The following PLEKHG1 variants were observed in gnomAD, a reference collection of about 807,000 sequenced individuals.
PLEKHG1 encodes pleckstrin homology and RhoGEF domain containing G1, also known as pleckstrin homology domain-containing family G member 1.
In PLEKHG1, 44 loss-of-function variants were observed where a neutral mutation model predicts 100.8. The observed-to-expected ratio is 0.44, with a 90% CI of 0.34 to 0.56. The LOEUF (loss-of-function observed/expected upper bound fraction) is 0.56, where lower values mean the gene tolerates loss of function less well. Ranked by LOEUF, PLEKHG1 falls within the 20% of genes least tolerant of loss-of-function variation. PLEKHG1 has a pLI of 0.01. For missense variants in PLEKHG1, 1,545 were observed against 1,720.9 expected, an observed-to-expected ratio of 0.90 and a Z score of 1.81; for synonymous variants, 640 against 662.5, an observed-to-expected ratio of 0.97 and a Z score of 0.52.
At chr6:150,630,868 A>C (rs1777719402) in intron 1 of PLEKHG1, among the ~76,000 whole-genome samples, 1 of 152,168 alleles carries the variant, frequency 6.6e-6, no homozygotes, top group African/African-American at 2.4e-5. Context: ...CCAGCAAGGA[A>C]GGAAAGCCAG....
At chr6:150,812,463 G>A (rs1293186811) in intron 10 of PLEKHG1, among the ~76,000 whole-genome samples, 1 of 152,072 alleles carries the variant, frequency 6.6e-6, no homozygotes, top group Non-Finnish European at 1.5e-5. Flanking sequence ...CTCAGAGATG[G>A]GGGAGACACA....
At chr6:150,669,593 CTT>C (rs1214928577) in intron 3 of PLEKHG1, among the ~76,000 whole-genome samples, 13,905 of 127,190 alleles carry the variant, frequency 0.11, 521 homozygotes, top group South Asian at 0.17. Flanking sequence ...AAGAATTATT[CTT>C]TTTTTTTTTT....
chr6:150,682,339 C>T (rs147219945), intron 3 of PLEKHG1, among the ~76,000 whole-genome samples: 2 of 152,192 alleles, frequency 1.3e-5, no homozygotes, highest in Non-Finnish European at 2.9e-5. Context: ...CACTGTGCTG[C>T]GAGTGGCCAC....
chr6:150,801,152 T>A (rs1345625106), intron 6 of PLEKHG1, among the ~76,000 whole-genome samples: 3 of 152,326 alleles, frequency 2.0e-5, no homozygotes, highest in Middle Eastern at 3.4e-3. Context: ...CAGGGAGCTA[T>A]CATGCGAATG....
intron 3 of PLEKHG1, among the ~76,000 whole-genome samples, chr6:150,681,382 T>A (rs530061811): frequency 6.6e-6 from 1 of 151,804 alleles, no homozygotes; most frequent in East Asian, 1.9e-4. Flanking sequence ...CGTGGTGGCG[T>A]GTGCCTGTAG....
intron 3 of PLEKHG1, among the ~76,000 whole-genome samples, chr6:150,714,768 G>A (rs1028644032): frequency 2.6e-5 from 4 of 151,948 alleles, no homozygotes; most frequent in Non-Finnish European, 5.9e-5. Flanking sequence ...TTCTATACTT[G>A]AGTGCTTTTG....
intron 2 of PLEKHG1, among the ~76,000 whole-genome samples, chr6:150,746,515 T>C (rs781292952): frequency 6.6e-6 from 1 of 152,214 alleles, no homozygotes; most frequent in African/African-American, 2.4e-5. Flanking sequence ...ATATCCTTAA[T>C]TCACTTTTAA....
upstream of PLEKHG1, among the ~76,000 whole-genome samples, chr6:150,717,206 A>ATT (rs796220079): frequency 1.4e-5 from 2 of 142,590 alleles, no homozygotes; most frequent in African/African-American, 5.1e-5. Context: ...TAATTTTTGT[A>ATT]TTTTTTTTTT....
At chr6:150,695,055 C>G (rs1780491821) in intron 3 of PLEKHG1, among the ~76,000 whole-genome samples, 1 of 152,220 alleles carries the variant, frequency 6.6e-6, no homozygotes, top group Non-Finnish European at 1.5e-5. Flanking sequence ...TGGCATCTGT[C>G]AGTCTTGATA....
chr6:150,737,857 G>A (rs1246987178), intron 2 of PLEKHG1, among the ~76,000 whole-genome samples: 1 of 151,946 alleles, frequency 6.6e-6, no homozygotes, highest in Non-Finnish European at 1.5e-5. Context: ...AGGCTAGAGT[G>A]CAGTGGCACG....
At chr6:150,714,253 C>G (rs148756430) in intron 3 of PLEKHG1, among the ~76,000 whole-genome samples, 103 of 152,286 alleles carry the variant, frequency 6.8e-4, no homozygotes, top group Non-Finnish European at 1.3e-3. Context: ...AACATATTTG[C>G]TTGCTTGATA....
rs1158214362 is a variant in PLEKHG1, at chr6:150,683,106, C to A, written c.-99+32320C>A. Among the ~76,000 whole-genome samples the A allele has an allele frequency of 6.6e-6, 1 of 152,230 alleles. No individual in the cohort carries two copies. Among genetic ancestry groups the A allele is most frequent in the East Asian group, 1.9e-4 (1 of 5,200 alleles). On this transcript the variant is annotated intron_variant, in intron 3 of 3. Coordinates refer to the PLEKHG1 transcript ENST00000367326. The surrounding 1 kb of genome is among the most constrained non-coding windows in gnomAD (Gnocchi z 4.0). ...CTTCAATTGGCATGTGTTCTTTGTG[C>A]TCAGAACCACATTAGGCCCTAAGAG...
At chr6:150,727,612 A>C (rs1782026900) in intron 1 of PLEKHG1, among the ~76,000 whole-genome samples, 2 of 151,988 alleles carry the variant, frequency 1.3e-5, no homozygotes, top group Non-Finnish European at 2.9e-5. Context: ...CACAAAAAAA[A>C]AAAGAATATT....
At chr6:150,701,417 T>TTA (rs56982419) in intron 3 of PLEKHG1, among the ~76,000 whole-genome samples, 1,053 of 30,748 alleles carry the variant, frequency 0.034, 74 homozygotes, top group African/African-American at 0.039. Context: ...CAGTAATTCT[T>TTA]TATATATATA....
chr6:150,686,040 T>C (rs1780118293), intron 3 of PLEKHG1, among the ~76,000 whole-genome samples: 1 of 152,224 alleles, frequency 6.6e-6, no homozygotes, highest in African/African-American at 2.4e-5. Flanking sequence ...AGCTACTTGC[T>C]CCTCCCCCTG....
rs574955885 is a variant in PLEKHG1, at chr6:150,839,515, C to T, written c.3095-318C>T. The stretch of plus-strand genomic sequence containing the variant: ...ATGATGCATGTTTTCAGCACTGACA[C>T]TGTTTTATGCTTATAAAGAACACTA... On this transcript the variant is annotated intron_variant, in intron 15 of 15. Transcript: ENST00000358517. Among the ~76,000 whole-genome samples the T allele has an allele frequency of 2.0e-5, 3 of 152,324 alleles. No homozygotes were observed. In the East Asian group the frequency reaches 5.8e-4, roughly 29 times the overall value.
chr6:150,744,425 A>G (rs1319143770), intron 2 of PLEKHG1, among the ~76,000 whole-genome samples: 1 of 152,184 alleles, frequency 6.6e-6, no homozygotes, highest in Non-Finnish European at 1.5e-5. Flanking sequence ...AGCCAAAATG[A>G]GAACGTGGGC....
chr6:150,759,779 A>T (rs1449228743), intron 2 of PLEKHG1, among the ~76,000 whole-genome samples: 2 of 152,122 alleles, frequency 1.3e-5, no homozygotes, highest in Admixed American at 6.6e-5. Context: ...CTGAGGTGGG[A>T]GGATCACTTG....
intron 3 of PLEKHG1, among the ~76,000 whole-genome samples, chr6:150,708,013 G>A (rs983823336): frequency 1.3e-5 from 2 of 152,174 alleles, no homozygotes; most frequent in Admixed American, 1.3e-4. Flanking sequence ...GCTCCCTGTA[G>A]GAATTCTCCT....
Sources: allele counts gnomAD v4.1 joint callset (sites outside exome capture counted in the v4.1 genomes callset), GRCh38; gene constraint gnomAD v4.1.1; non-coding constraint Gnocchi (gnomAD v3.1); transcripts MANE v1.5; gene names NCBI Gene and HGNC (gene_info 2026-07-23, HGNC 2026-07-21).